THRB: variants seen among roughly 807,000 people sequenced by gnomAD.
The protein encoded by THRB is thyroid hormone receptor beta.
THRB carries 12 observed loss-of-function variants against 47.8 expected under a neutral mutation model. That is an observed-to-expected ratio of 0.25 (90% CI 0.16 to 0.41). The LOEUF is 0.41. Ranked by LOEUF, THRB falls within the 10% of genes least tolerant of loss-of-function variation. THRB has a pLI of 1.00. For synonymous variants in THRB, 218 were observed against 212.2 expected (o/e 1.03, Z -0.24); for missense variants, 348 against 589.2 (o/e 0.59, Z 4.24).
chr3:24,249,463 G>C (rs2050436443), intron 3 of THRB, among the ~76,000 whole-genome samples: 1 of 152,030 alleles, frequency 6.6e-6, no homozygotes, highest in Non-Finnish European at 1.5e-5. Flanking sequence ...TAAACTCTTA[G>C]AGCGATATAA....
intron 1 of THRB, among the ~76,000 whole-genome samples, chr3:24,406,923 C>T (rs1560115391): frequency 2.0e-5 from 3 of 151,832 alleles, no homozygotes; most frequent in Non-Finnish European, 4.4e-5. Context: ...TAAGGTTCTC[C>T]TGCAATTGAG....
chr3:24,382,456 C>T (rs2065785423), intron 1 of THRB, among the ~76,000 whole-genome samples: 1 of 151,984 alleles, frequency 6.6e-6, no homozygotes, highest in Admixed American at 6.6e-5. Context: ...TAAACATTAA[C>T]AACTATGTTA....
intron 3 of THRB, among the ~76,000 whole-genome samples, chr3:24,244,015 G>T (rs532933423): frequency 1.3e-5 from 2 of 151,960 alleles, no homozygotes; most frequent in African/African-American, 4.8e-5. Context: ...CAATGTCTAG[G>T]TTAAAAAAAA....
intron 1 of THRB, among the ~76,000 whole-genome samples, chr3:24,359,803 C>T: frequency 6.6e-6 from 1 of 152,138 alleles, no homozygotes; most frequent in East Asian, 1.9e-4. Context: ...CTTTATCTGT[C>T]CATTCTTTCT....
intron 1 of THRB, among the ~76,000 whole-genome samples, chr3:24,450,678 T>C (rs2125524486): frequency 6.6e-6 from 1 of 152,232 alleles, no homozygotes; most frequent in South Asian, 2.1e-4. Flanking sequence ...TAAACCAGTG[T>C]AGGTAAATGA....
intron 2 of THRB, among the ~76,000 whole-genome samples, chr3:24,316,217 T>G (rs529620684): frequency 6.6e-6 from 1 of 152,292 alleles, no homozygotes; most frequent in African/African-American, 2.4e-5. Flanking sequence ...TACAGAGTCA[T>G]GAAAATAACT....
intron 5 of THRB, among the ~76,000 whole-genome samples, chr3:24,173,192 T>C (rs188410894): frequency 2.0e-4 from 30 of 152,244 alleles, no homozygotes; most frequent in Admixed American, 3.3e-4. Context: ...TAGCCGAAGT[T>C]TGAGAACCAC....
intron 6 of THRB, among the ~76,000 whole-genome samples, chr3:24,147,055 T>C (rs1287959351): frequency 6.6e-6 from 1 of 152,192 alleles, no homozygotes; most frequent in Non-Finnish European, 1.5e-5. Context: ...TTTTTTTTGG[T>C]CTTTATTCAA....
At chr3:24,262,018 A>G (rs2052100842) in intron 3 of THRB, among the ~76,000 whole-genome samples, 1 of 152,210 alleles carries the variant, frequency 6.6e-6, no homozygotes, top group African/African-American at 2.4e-5. Context: ...TCATAAGGTT[A>G]CATTTCCCAA....
chr3:24,466,275 C>A (rs1057097842), intron 1 of THRB, among the ~76,000 whole-genome samples: 19 of 151,912 alleles, frequency 1.3e-4, no homozygotes, highest in African/African-American at 4.6e-4. Flanking sequence ...CTCTTATTTA[C>A]CATCTCCATT....
intron 3 of THRB, among the ~76,000 whole-genome samples, chr3:24,286,395 G>T (rs1286649027): frequency 6.6e-6 from 1 of 152,172 alleles, no homozygotes; most frequent in African/African-American, 2.4e-5. Context: ...TGGGAGGAAA[G>T]AAAGAAATCC....
chr3:24,444,014 C>T (rs2071810258), intron 1 of THRB, among the ~76,000 whole-genome samples: 1 of 151,986 alleles, frequency 6.6e-6, no homozygotes, highest in Non-Finnish European at 1.5e-5. Flanking sequence ...TTATAGTATT[C>T]CAAAACCCAT....
chr3:24,195,667 C>A (rs1464959343), intron 4 of THRB, among the ~76,000 whole-genome samples: 1 of 152,238 alleles, frequency 6.6e-6, no homozygotes, highest in Non-Finnish European at 1.5e-5. Context: ...CAAGGCCCCA[C>A]TGAGCCTCCC....
At chr3:24,305,958 C>A (rs539317620) in intron 2 of THRB, among the ~76,000 whole-genome samples, 5 of 152,278 alleles carry the variant, frequency 3.3e-5, no homozygotes, top group African/African-American at 7.2e-5. Context: ...TATCTCCTCC[C>A]CCAATGGGCT....
At chr3:24,258,380 GAAAC>G (rs1217058571) in intron 3 of THRB, among the ~76,000 whole-genome samples, 45 of 152,232 alleles carry the variant, frequency 3.0e-4, no homozygotes, top group East Asian at 1.2e-3. Context: ...AGGAAGGAAA[GAAAC>G]AAACAAACAA....
intron 4 of THRB, among the ~76,000 whole-genome samples, chr3:24,214,413 A>G (rs1258379416): frequency 6.6e-6 from 1 of 152,238 alleles, no homozygotes; most frequent in African/African-American, 2.4e-5. Context: ...AGCATGAAGC[A>G]AGAGAGGAAA....
intron 2 of THRB, among the ~76,000 whole-genome samples, chr3:24,298,153 T>A (rs78054005): frequency 0.029 from 4,346 of 152,246 alleles, 104 homozygotes; most frequent in Non-Finnish European, 0.049. Flanking sequence ...ATAGAGGATA[T>A]TTATTTATTT....
At chr3:24,321,971 T>A (rs568646195) in intron 2 of THRB, among the ~76,000 whole-genome samples, 1 of 152,266 alleles carries the variant, frequency 6.6e-6, no homozygotes, top group South Asian at 2.1e-4. Context: ...CCTTTTTTTT[T>A]AATGTGGTTA....
chr3:24,416,589 T>C (rs961934404), intron 1 of THRB, among the ~76,000 whole-genome samples: 8 of 151,910 alleles, frequency 5.3e-5, no homozygotes, highest in Non-Finnish European at 1.0e-4. Context: ...TGGTTTCATA[T>C]AGGATTCTCC....
Sources: gnomAD v4.1 joint callset for allele counts (sites outside exome capture counted in the v4.1 genomes callset) on GRCh38, gnomAD v4.1.1 for gene constraint, MANE v1.5 for transcripts, NCBI Gene and HGNC (gene_info 2026-07-23, HGNC 2026-07-21) for gene names.